The following REV3L variants were observed in gnomAD, a reference collection of about 807,000 sequenced individuals.
The protein encoded by REV3L is REV3 like, DNA directed polymerase zeta catalytic subunit, also known as DNA polymerase zeta catalytic subunit.
REV3L carries 69 observed loss-of-function variants against 299.4 expected under a neutral mutation model. That is an observed-to-expected ratio of 0.23 (90% confidence interval 0.19 to 0.28). The LOEUF is 0.28. REV3L is among the 10% of genes least tolerant of loss of function. The pLI, the probability that REV3L is intolerant of heterozygous loss-of-function variation, is 1.00. For missense variants in REV3L, 3,128 were observed against 3,693.8 expected, an observed-to-expected ratio of 0.85 and a Z score of 3.97; for synonymous variants, 1,238 against 1,271.4, an observed-to-expected ratio of 0.97 and a Z score of 0.56.
chr6:111,443,601 T>TA (rs2128310163), intron 1 of REV3L, among the ~76,000 whole-genome samples: 1 of 152,342 alleles, frequency 6.6e-6, no homozygotes, highest in African/African-American at 2.4e-5. Flanking sequence ...ACATTAGCCC[T>TA]ACTCATAAGA....
At chr6:111,483,346 C>T (rs1338880715), upstream of REV3L, 13 of 466,694 alleles carry the variant, frequency 2.8e-5, no homozygotes, top group African/African-American at 2.1e-4. Flanking sequence ...ACACGGAGGG[C>T]GGGGGCCGAG....
chr6:111,382,363 A>G (rs1582779190), intron 9 of REV3L, among the ~76,000 whole-genome samples: 1 of 152,230 alleles, frequency 6.6e-6, no homozygotes, highest in African/African-American at 2.4e-5. Flanking sequence ...TCTCTCAGGC[A>G]GTGGTCTTGA....
chr6:111,300,050 G>T lies in REV3L; in HGVS notation c.9359C>A (p.Ala3120Glu). 1 of 1,613,604 alleles carries T rather than the reference G, an allele frequency of 6.2e-7. No homozygotes were observed. Among genetic ancestry groups the T allele is most frequent in the African/African-American group, 1.3e-5 (1 of 75,016 alleles). ...LSRVNRELSK[A>E]PYLRQLLDQF ...GTCTAATAACTGCCGGAGATATGGT[G>T]CCTTGGACAATTCTCTATTTACTCG... Residue 3120 changes from alanine to glutamate, a missense_variant, in exon 32 of 32, where the codon GCA becomes GAA. Ala to Glu is a moderately radical substitution (Grantham distance 107). This residue lies in a region of REV3L where 294 missense variants were observed against 377.0 expected (regional missense o/e 0.78). Coordinates refer to ENST00000368802, the MANE Select transcript of REV3L (RefSeq NM_001372078.1).
chr6:111,463,003 A>G (rs1790984524), intron 1 of REV3L, among the ~76,000 whole-genome samples: 1 of 152,068 alleles, frequency 6.6e-6, no homozygotes, highest in Non-Finnish European at 1.5e-5. Flanking sequence ...CAAGTGTAAG[A>G]GAATGAGAGC....
At chr6:111,389,355 C>T in intron 6 of REV3L, 145 bp from the exon 7 acceptor site, 1 of 636,580 alleles carries the variant, frequency 1.6e-6, no homozygotes, top group South Asian at 2.0e-5. Context: ...CCAACCTACA[C>T]TTACTATGTT....
chr6:111,405,024 AG>A (rs1341382244), intron 4 of REV3L, among the ~76,000 whole-genome samples: 1 of 152,160 alleles, frequency 6.6e-6, no homozygotes, highest in Non-Finnish European at 1.5e-5. Context: ...TAAAGTAACA[AG>A]GCTCTAACAA....
At chr6:111,357,936 G>T (rs755697297) in intron 17 of REV3L, among the ~76,000 whole-genome samples, 9 of 150,636 alleles carry the variant, frequency 6.0e-5, no homozygotes, top group Non-Finnish European at 1.2e-4. Flanking sequence ...CAAAGTGACA[G>T]CAACTAGTTT....
At chr6:111,360,470 CTTTTTTTTTTTTTT>C (rs71021836) in intron 16 of REV3L, among the ~76,000 whole-genome samples, 1 of 129,538 alleles carries the variant, frequency 7.7e-6, no homozygotes, top group African/African-American at 3.2e-5. Context: ...GTTAAATAAT[CTTTTTTTTTTTTTT>C]TTTTTTTTAG....
At chr6:111,470,174 TCACACACACACACACACACACA>T (rs6149753) in intron 1 of REV3L, among the ~76,000 whole-genome samples, 1 of 150,250 alleles carries the variant, frequency 6.7e-6, no homozygotes, top group African/African-American at 2.4e-5. Context: ...TTACTATCTC[TCACACACACACACACACACACA>T]CACACACACA....
At chr6:111,402,483 A>G (rs1783190432) in intron 4 of REV3L, among the ~76,000 whole-genome samples, 1 of 152,212 alleles carries the variant, frequency 6.6e-6, no homozygotes, top group Non-Finnish European at 1.5e-5. Flanking sequence ...AGTTGCTTTA[A>G]GCGTTCTATT....
chr6:111,416,641 C>A (rs891664231), intron 1 of REV3L, among the ~76,000 whole-genome samples, 169 bp from the exon 2 acceptor site: 3 of 152,140 alleles, frequency 2.0e-5, no homozygotes, highest in African/African-American at 7.2e-5. Context: ...CATTTTACAA[C>A]AGAACATTTG....
rs1582751163 is a variant in REV3L, at chr6:111,375,722, G to T, written c.2633C>A (p.Thr878Asn). ...TTCAAAAGCTCCACGAGTGGTTTTA[G>T]TTAAATCACTAGCCAATGCATTATC... ...EKDNALASDL[T>N]KTTRGAFENK... The change falls in exon 13 of 32, where the codon ACT (threonine) becomes AAT (asparagine). Residue 878 changes from threonine (T) to asparagine (N), a missense_variant. Physicochemically the swap from Thr to Asn is moderately conservative, Grantham distance 65. Transcript: ENST00000368802. 6.2e-7 allele frequency: 1 copy of T among 1,613,748 alleles called. No homozygotes were observed. The highest frequency in any genetic ancestry group is 8.5e-7 in the Non-Finnish European group (1 of 1,179,704).
At chr6:111,303,922 A>T (rs777160291) in intron 31 of REV3L, among the ~76,000 whole-genome samples, 1 of 151,268 alleles carries the variant, frequency 6.6e-6, no homozygotes, top group Non-Finnish European at 1.5e-5. Flanking sequence ...GGGTTTCTCC[A>T]TGTTGGCCAA....
chr6:111,306,279 CAGA>C (rs1369410171), intron 31 of REV3L, among the ~76,000 whole-genome samples: 1 of 152,006 alleles, frequency 6.6e-6, no homozygotes, highest in East Asian at 1.9e-4. Flanking sequence ...GTGTTCCTGG[CAGA>C]AGGAGCAGGG....
intron 20 of REV3L, among the ~76,000 whole-genome samples, chr6:111,348,531 A>G (rs1026910684): frequency 6.6e-6 from 1 of 152,226 alleles, no homozygotes; most frequent in African/African-American, 2.4e-5. Context: ...TTTCTAGACT[A>G]AATTTTTCTT....
At chr6:111,407,840 G>A (rs562891869) in intron 3 of REV3L, among the ~76,000 whole-genome samples, 52 of 152,252 alleles carry the variant, frequency 3.4e-4, no homozygotes, top group African/African-American at 1.1e-3. Flanking sequence ...GGAGGCTGAG[G>A]CAGGAGAATT....
chr6:111,463,622 C>T (rs1250181800), intron 1 of REV3L, among the ~76,000 whole-genome samples: 2 of 152,106 alleles, frequency 1.3e-5, no homozygotes, highest in African/African-American at 4.8e-5. Context: ...TTAAGACATA[C>T]AGTAAATTTT....
chr6:111,380,425 A>C (rs1382576508), intron 10 of REV3L, among the ~76,000 whole-genome samples: 1 of 151,884 alleles, frequency 6.6e-6, no homozygotes, highest in East Asian at 1.9e-4. Flanking sequence ...ACACCTGGTT[A>C]ATTTTTTGTA....
At chr6:111,360,388 T>C (rs1273357099) in intron 16 of REV3L, among the ~76,000 whole-genome samples, 1 of 152,104 alleles carries the variant, frequency 6.6e-6, no homozygotes, top group African/African-American at 2.4e-5. Flanking sequence ...AGCTTACTTT[T>C]CATTGCAAAT....
Sources: allele counts gnomAD v4.1 joint callset (sites outside exome capture counted in the v4.1 genomes callset), GRCh38; gene constraint gnomAD v4.1.1; regional missense constraint gnomAD v4.1.1; transcripts MANE v1.5; gene names NCBI Gene and HGNC (gene_info 2026-07-23, HGNC 2026-07-21).